NBEA: variants seen among roughly 807,000 people sequenced by gnomAD.
NBEA encodes lysosomal-trafficking regulator 2.
Under a neutral mutation model 343.4 loss-of-function variants are expected in NBEA, and 44 were observed. That is an observed-to-expected ratio of 0.13 (90% CI 0.10 to 0.16). NBEA has a LOEUF of 0.16. Ranked by LOEUF, NBEA falls within the 10% of genes least tolerant of loss-of-function variation. The pLI, the probability that NBEA is intolerant of heterozygous loss-of-function variation, is 1.00. For missense variants in NBEA, 2,555 were observed against 3,631.3 expected, an observed-to-expected ratio of 0.70 and a Z score of 7.62; for synonymous variants, 1,175 against 1,238.7, an observed-to-expected ratio of 0.95 and a Z score of 1.08.
intron 31 of NBEA, among the ~76,000 whole-genome samples, chr13:35,197,427 C>G (rs1219982557): frequency 1.3e-5 from 2 of 152,020 alleles, no homozygotes; most frequent in Admixed American, 6.6e-5. Context: ...ATTGCTTTCT[C>G]TAAAGTAGCC....
At chr13:35,298,237 A>G (rs867519231) in intron 35 of NBEA, among the ~76,000 whole-genome samples, 4 of 128,030 alleles carry the variant, frequency 3.1e-5, no homozygotes, top group South Asian at 2.5e-4. Context: ...ATATATATAT[A>G]TATATATATA....
At chr13:35,305,760 C>CA (rs1406453246) in intron 35 of NBEA, among the ~76,000 whole-genome samples, 1 of 152,156 alleles carries the variant, frequency 6.6e-6, no homozygotes, top group Non-Finnish European at 1.5e-5. Flanking sequence ...CGGGGACTAG[C>CA]ACAACATAAA....
chr13:35,401,764 C>T (rs2043012090), intron 38 of NBEA, among the ~76,000 whole-genome samples: 1 of 151,878 alleles, frequency 6.6e-6, no homozygotes, highest in Non-Finnish European at 1.5e-5. Context: ...ATTTTATGTT[C>T]ATTATTTATA....
intron 8 of NBEA, among the ~76,000 whole-genome samples, chr13:35,059,182 G>A (rs1056667979): frequency 6.6e-6 from 1 of 151,690 alleles, no homozygotes; most frequent in African/African-American, 2.4e-5. Context: ...ATTACTTAAT[G>A]AACATAATAA....
intron 1 of NBEA, among the ~76,000 whole-genome samples, chr13:34,980,732 A>C (rs531717096): frequency 6.6e-6 from 1 of 152,262 alleles, no homozygotes; most frequent in African/African-American, 2.4e-5. Context: ...GATTACAATT[A>C]AGATGTTAGC....
chr13:35,115,685 A>G (rs2066459900), intron 13 of NBEA, among the ~76,000 whole-genome samples: 1 of 152,304 alleles, frequency 6.6e-6, no homozygotes, highest in Middle Eastern at 3.4e-3. Flanking sequence ...TCATGCACAA[A>G]GCACACAAAT....
chr13:34,986,471 G>A (rs1168562657), intron 1 of NBEA, among the ~76,000 whole-genome samples: 1 of 150,734 alleles, frequency 6.6e-6, no homozygotes, highest in Non-Finnish European at 1.5e-5. Flanking sequence ...GGTCAATTTT[G>A]GAATAAGTGC....
Position 34,967,348 on chromosome 13 carries a change from CT to C in NBEA, c.294+24245del, listed in dbSNP as rs1355519773. 7.5e-3 allele frequency among the ~76,000 whole-genome samples: 1,089 copies of C among 144,858 alleles called. 12 individuals are homozygous for C. Among genetic ancestry groups the C allele is most frequent in the African/African-American group, 0.024 (967 of 39,876 alleles). The stretch of plus-strand genomic sequence containing the variant: ...TTTAAGTACTATTTTTTTCTTTTAC[CT>C]TTTTTTTTTTAAAAAAGCAAAACTG... On this transcript the variant is annotated intron_variant, in intron 1 of 58. Coordinates refer to ENST00000379939, the MANE Select transcript of NBEA (RefSeq NM_001385012.1).
intron 22 of NBEA, among the ~76,000 whole-genome samples, chr13:35,160,315 C>CT (rs2069467364): frequency 6.6e-6 from 1 of 152,100 alleles, no homozygotes; most frequent in African/African-American, 2.4e-5. Context: ...AAAGGATGAC[C>CT]TTTAAGGTCT....
At chr13:35,656,829 G>C (rs1039938045) in intron 55 of NBEA, among the ~76,000 whole-genome samples, 5 of 152,086 alleles carry the variant, frequency 3.3e-5, no homozygotes, top group Non-Finnish European at 7.4e-5. Context: ...CATGAATTTG[G>C]GGAATACTTA....
intron 47 of NBEA, among the ~76,000 whole-genome samples, chr13:35,594,892 A>G (rs1318621196): frequency 1.3e-5 from 2 of 151,636 alleles, no homozygotes; most frequent in Non-Finnish European, 2.9e-5. Flanking sequence ...AGCTATATCC[A>G]TATTATATCA....
chr13:35,467,050 C>G (rs1383181730), intron 40 of NBEA, among the ~76,000 whole-genome samples: 2 of 152,070 alleles, frequency 1.3e-5, no homozygotes, highest in East Asian at 1.9e-4. Context: ...CCAAAGCTTT[C>G]CTAGGATTCC....
At chr13:35,349,299 T>C (rs1338373796) in intron 37 of NBEA, 83 bp downstream of exon 37, 5 of 658,940 alleles carry the variant, frequency 7.6e-6, no homozygotes, top group Non-Finnish European at 1.2e-5. Context: ...TAAGAAGGTT[T>C]TTTTAAAAGG....
At position 35,161,739 on chromosome 13, in the gene NBEA, T is replaced by G; in HGVS notation, c.3862-11T>G. 1 of 1,596,626 alleles carries G rather than the reference T, an allele frequency of 6.3e-7. No homozygotes were observed. The highest frequency in any genetic ancestry group is 8.5e-7 in the Non-Finnish European group (1 of 1,171,080). On this transcript the variant is annotated splice_polypyrimidine_tract_variant and intron_variant, in intron 22 of 58. Transcript: ENST00000379939. The stretch of plus-strand genomic sequence containing the variant: ...TTGTATTCCACAAAAGTTCATCTTT[T>G]CCTTCTTTAGGCTGTGCAGGGTCGG...
intron 38 of NBEA, among the ~76,000 whole-genome samples, chr13:35,367,034 G>T (rs541036747): frequency 7.9e-5 from 12 of 151,224 alleles, no homozygotes; most frequent in Middle Eastern, 3.4e-3. Context: ...CTTTTTGAAC[G>T]ATATTTTGTA....
chr13:35,286,007 C>T (rs2035401000), intron 34 of NBEA, among the ~76,000 whole-genome samples: 2 of 152,098 alleles, frequency 1.3e-5, no homozygotes, highest in African/African-American at 4.8e-5. Flanking sequence ...CTACTTTTTG[C>T]TTAGATAGGC....
At chr13:35,488,795 C>G (rs1225251821) in intron 41 of NBEA, among the ~76,000 whole-genome samples, 1 of 151,774 alleles carries the variant, frequency 6.6e-6, no homozygotes, top group African/African-American at 2.4e-5. Flanking sequence ...AGTGCAGTGC[C>G]TAGAACTGAA....
At chr13:35,230,072 C>A (rs1484160911) in intron 33 of NBEA, among the ~76,000 whole-genome samples, 6 of 151,802 alleles carry the variant, frequency 4.0e-5, no homozygotes, top group Non-Finnish European at 7.4e-5. Flanking sequence ...CAGGATGATA[C>A]GTAAGAGCAA....
At chr13:35,481,655 TA>T (rs1024875540) in intron 41 of NBEA, among the ~76,000 whole-genome samples, 1 of 151,886 alleles carries the variant, frequency 6.6e-6, no homozygotes, top group African/African-American at 2.4e-5. Context: ...ATCTTTCTAA[TA>T]AAACTAAAAT....
Sources: gnomAD v4.1 joint callset for allele counts (sites outside exome capture counted in the v4.1 genomes callset) on GRCh38, gnomAD v4.1.1 for gene constraint, MANE v1.5 for transcripts, NCBI Gene and HGNC (gene_info 2026-07-23, HGNC 2026-07-21) for gene names.